The following GRIN2B variants were observed in gnomAD, a reference collection of about 807,000 sequenced individuals.
GRIN2B encodes glutamate receptor ionotropic, NMDA 2B.
A neutral mutation model predicts 114.5 loss-of-function variants in GRIN2B; 5 were observed. That is an observed-to-expected ratio of 0.04 (90% CI 0.02 to 0.09). The LOEUF is 0.09. GRIN2B is among the 10% of genes least tolerant of loss of function. GRIN2B has a pLI of 1.00. For synonymous variants in GRIN2B, 787 were observed against 745.1 expected (o/e 1.06, Z -0.92); for missense variants, 1,108 against 1,943.5 (o/e 0.57, Z 8.08).
chr12:13,715,684 G>C (rs1283376120), intron 4 of GRIN2B, among the ~76,000 whole-genome samples: 1 of 151,898 alleles, frequency 6.6e-6, no homozygotes, highest in Non-Finnish European at 1.5e-5. Context: ...TCCTCTGAAA[G>C]AATGATCTCA....
intron 10 of GRIN2B, among the ~76,000 whole-genome samples, chr12:13,589,437 A>G (rs945267336): frequency 2.0e-5 from 3 of 152,228 alleles, no homozygotes; most frequent in African/African-American, 7.2e-5. Flanking sequence ...TCTAGGCCTT[A>G]GCTATAGGCA....
At chr12:13,841,805 G>T (rs1031895909) in intron 3 of GRIN2B, among the ~76,000 whole-genome samples, 23 of 151,994 alleles carry the variant, frequency 1.5e-4, no homozygotes, top group African/African-American at 5.6e-4. Flanking sequence ...TCAATTTAAA[G>T]GACTGTTCTT....
intron 10 of GRIN2B, among the ~76,000 whole-genome samples, chr12:13,601,716 G>T (rs1295048589): frequency 6.6e-6 from 1 of 152,012 alleles, no homozygotes; most frequent in African/African-American, 2.4e-5. Flanking sequence ...GTCGTTCAAG[G>T]GGAAGGGGAC....
chr12:13,847,703 G>C lies in GRIN2B; in HGVS notation c.411+18095C>G, dbSNP rs551727368. Among the ~76,000 whole-genome samples the C allele has an allele frequency of 3.3e-5, 5 of 152,206 alleles. No individual in the cohort carries two copies. The South Asian group carries it at 1.0e-3, about 32-fold the overall frequency. On this transcript the variant is annotated intron_variant, in intron 3 of 13. Transcript: ENST00000609686. The stretch of plus-strand genomic sequence containing the variant: ...CAGGGAGCAGGGCAAGGAGAGAAAG[G>C]AGGACAGAGAGAAGGAACAATCAGA...
At chr12:13,611,523 G>A (rs1949365313) in intron 9 of GRIN2B, among the ~76,000 whole-genome samples, 1 of 152,164 alleles carries the variant, frequency 6.6e-6, no homozygotes, top group Non-Finnish European at 1.5e-5. Context: ...CAGGCATAAA[G>A]CAGACCTATA....
chr12:13,980,885 G>C (rs1863121289), intron 1 of GRIN2B, among the ~76,000 whole-genome samples: 1 of 151,632 alleles, frequency 6.6e-6, no homozygotes, highest in Non-Finnish European at 1.5e-5. Context: ...TCTTGGAAGG[G>C]GCACACTGAC....
At chr12:13,883,630 C>G (rs2136767381) in intron 2 of GRIN2B, among the ~76,000 whole-genome samples, 1 of 152,172 alleles carries the variant, frequency 6.6e-6, no homozygotes, top group Admixed American at 6.5e-5. Context: ...CTTCTGTCCA[C>G]TTTGCAATTG....
chr12:13,754,548 G>A (rs886549002), intron 3 of GRIN2B, among the ~76,000 whole-genome samples: 69 of 150,704 alleles, frequency 4.6e-4, no homozygotes, highest in African/African-American at 1.6e-3. Flanking sequence ...AGAAGTATAC[G>A]TAGTATGAAA....
At position 13,885,011 on chromosome 12, in the gene GRIN2B, C is replaced by T. The variant is rs375767519; in HGVS notation, c.-18-18785G>A. 7.2e-5 allele frequency among the ~76,000 whole-genome samples: 11 copies of T among 151,988 alleles called. No individual in the cohort carries two copies. In the East Asian group the frequency reaches 9.6e-4, roughly 13 times the overall value. Reference sequence around the variant, plus strand: ...GTGAAGGATCACAGAAAGTAAGAAACCTCCCAAAGAGGTTATAGCTATTCG... The same window carrying T: ...GTGAAGGATCACAGAAAGTAAGAAATCTCCCAAAGAGGTTATAGCTATTCG... On this transcript the variant is annotated intron_variant, in intron 2 of 13. Transcript: ENST00000609686.
chr12:13,860,136 C>G (rs11055649), intron 3 of GRIN2B, among the ~76,000 whole-genome samples: 22,701 of 152,016 alleles, frequency 0.15, 2,163 homozygotes, highest in Middle Eastern at 0.23. Flanking sequence ...CCACTGCCAG[C>G]CCATCTACTC....
At chr12:13,735,899 T>A (rs1002202547) in intron 4 of GRIN2B, among the ~76,000 whole-genome samples, 1 of 150,396 alleles carries the variant, frequency 6.6e-6, no homozygotes, top group African/African-American at 2.4e-5. Flanking sequence ...AAGACAGGAT[T>A]TTTTTTTTTG....
chr12:13,658,017 C>T (rs547961740), intron 5 of GRIN2B, among the ~76,000 whole-genome samples: 2 of 152,180 alleles, frequency 1.3e-5, no homozygotes, highest in South Asian at 2.1e-4. Flanking sequence ...ACCAGCCTGA[C>T]CAACATGGAG....
chr12:13,777,642 C>T (rs1265766627), intron 3 of GRIN2B, among the ~76,000 whole-genome samples: 2 of 152,184 alleles, frequency 1.3e-5, no homozygotes, highest in Non-Finnish European at 2.9e-5. Flanking sequence ...ATCACTGGCT[C>T]CTGGAGAACA....
At chr12:13,835,661 A>G (rs1865247371) in intron 3 of GRIN2B, among the ~76,000 whole-genome samples, 1 of 151,638 alleles carries the variant, frequency 6.6e-6, no homozygotes, top group Non-Finnish European at 1.5e-5. Flanking sequence ...TTTAGCCTTC[A>G]GACCTCTCCA....
At chr12:13,873,666 A>G (rs537942145) in intron 2 of GRIN2B, among the ~76,000 whole-genome samples, 7 of 152,260 alleles carry the variant, frequency 4.6e-5, no homozygotes, top group Admixed American at 1.3e-4. Context: ...AGTCTGGGGC[A>G]TGGAGGCAGG....
At chr12:13,922,431 A>G (rs1021595807) in intron 2 of GRIN2B, among the ~76,000 whole-genome samples, 5 of 152,234 alleles carry the variant, frequency 3.3e-5, no homozygotes, top group African/African-American at 9.6e-5. Flanking sequence ...CAAGATTAGT[A>G]GAGAGGAGCA....
At chr12:13,729,808 G>A (rs1399514767) in intron 4 of GRIN2B, among the ~76,000 whole-genome samples, 1 of 124,156 alleles carries the variant, frequency 8.1e-6, no homozygotes, top group Non-Finnish European at 1.6e-5. Context: ...GAGACAAAGA[G>A]GAAGCCATAT....
At chr12:13,814,921 T>C (rs1186452862) in intron 3 of GRIN2B, among the ~76,000 whole-genome samples, 1 of 152,182 alleles carries the variant, frequency 6.6e-6, no homozygotes, top group African/African-American at 2.4e-5. Flanking sequence ...ATGAATGTTA[T>C]TTTCAACTCT....
intron 2 of GRIN2B, among the ~76,000 whole-genome samples, chr12:13,915,595 C>T (rs77699707): frequency 0.019 from 2,931 of 152,270 alleles, 87 homozygotes; most frequent in African/African-American, 0.067. Flanking sequence ...TTATAGCTGC[C>T]CCATGCAGCC....
Sources: allele counts gnomAD v4.1 joint callset (sites outside exome capture counted in the v4.1 genomes callset), GRCh38; gene constraint gnomAD v4.1.1; transcripts MANE v1.5; gene names NCBI Gene and HGNC (gene_info 2026-07-23, HGNC 2026-07-21).